Variants in FABP6 observed in about 807,000 individuals in gnomAD.
FABP6 encodes gastrotropin.
Under a neutral mutation model 14.9 loss-of-function variants are expected in FABP6, and 13 were observed. That is an observed-to-expected ratio of 0.87 (90% CI 0.57 to 1.39). FABP6 has a LOEUF of 1.39. Among genes scored for constraint, FABP6 ranks in the 40% most tolerant of loss-of-function variants. The pLI, the probability that FABP6 is intolerant of heterozygous loss-of-function variation, is 0.00. For missense variants in FABP6, 161 were observed against 167.2 expected, an observed-to-expected ratio of 0.96 and a Z score of 0.20; for synonymous variants, 75 against 63.6, an observed-to-expected ratio of 1.18 and a Z score of -0.85.
At chr5:160,215,793 C>G (rs543859560) in intron 3 of FABP6, among the ~76,000 whole-genome samples, 10 of 152,100 alleles carry the variant, frequency 6.6e-5, no homozygotes, top group African/African-American at 1.9e-4. Context: ...AAGGTTATTT[C>G]AAACCAGCTG....
At chr5:160,214,089 C>CTCTTTCTTTCTTTCTT (rs10605033) in intron 3 of FABP6, among the ~76,000 whole-genome samples, 8 of 116,384 alleles carry the variant, frequency 6.9e-5, no homozygotes, top group South Asian at 6.3e-4. Flanking sequence ...GCCTGCCTTT[C>CTCTTTCTTTCTTTCTT]TCTTTCTTTC....
At chr5:160,207,267 C>G (rs1007205301) in intron 2 of FABP6, among the ~76,000 whole-genome samples, 1 of 152,242 alleles carries the variant, frequency 6.6e-6, no homozygotes, top group African/African-American at 2.4e-5. Flanking sequence ...ATCCGACTCC[C>G]AGGGTCACAT....
chr5:160,208,875 CA>C lies in FABP6; in HGVS notation c.52-4859del, dbSNP rs1192284520. Among the ~76,000 whole-genome samples, 8 of 151,300 alleles carry C rather than the reference CA, an allele frequency of 5.3e-5. No individual in the cohort carries two copies. In the East Asian group the frequency reaches 1.6e-3, roughly 30 times the overall value. ...CACTGCAACCTCTGCCTCCCGGATT[CA>C]AGCAATTCTCCTGCCTCAGCCTCCC... On this transcript the variant is annotated intron_variant, in intron 2 of 6. Transcript: ENST00000393980.
At chr5:160,213,904 C>T in intron 3 of FABP6, 1 of 1,104,246 alleles carries the variant, frequency 9.1e-7, no homozygotes, top group African/African-American at 1.5e-5. Context: ...ACTTTGTGTC[C>T]TATCCCTGGG....
intron 2 of FABP6, among the ~76,000 whole-genome samples, chr5:160,210,628 C>T (rs1402591449): frequency 6.6e-6 from 1 of 152,214 alleles, no homozygotes; most frequent in Non-Finnish European, 1.5e-5. Flanking sequence ...ACAGCCTGCT[C>T]ACCTTTGTAG....
rs1026888828 is a variant in FABP6, at chr5:160,232,364, T to C, written c.243+91T>C. ...GGCCTCCCCGCTCCCGAGCTGAGGCTTCTTTCTCCAGTTTGGCCTCCAGCA... is the reference window on the plus strand; with the variant it reads ...GGCCTCCCCGCTCCCGAGCTGAGGCCTCTTTCTCCAGTTTGGCCTCCAGCA... On this transcript the variant is annotated intron_variant, in intron 2 of 3. Transcript: ENST00000402432. 3 of 1,354,492 alleles carry C rather than the reference T, an allele frequency of 2.2e-6. No individual in the cohort carries two copies. In the Admixed American group the frequency reaches 8.4e-5, roughly 38 times the overall value. 83.9% of individuals were successfully genotyped at this position (1,354,492 alleles called of 1,614,324 possible). A position where few individuals can be genotyped will look rare whatever the true frequency, so the allele number is the denominator to read the frequency against.
upstream of FABP6, among the ~76,000 whole-genome samples, chr5:160,227,278 T>C (rs542251741): frequency 6.6e-6 from 1 of 152,290 alleles, no homozygotes; most frequent in African/African-American, 2.4e-5. Flanking sequence ...CTCAGGCCTC[T>C]AATCTCAGCA....
rs541305222 is a variant in FABP6, at chr5:160,231,084, C to G, written c.68-1014C>G. On this transcript the variant is annotated intron_variant, in intron 1 of 3. Coordinates refer to ENST00000402432, the MANE Select transcript of FABP6 (RefSeq NM_001445.3). ...GTTCAGAGGACAGCTCAAGGGGACCCGTGCCCTCCCTCTTGGTGGCCACTT... is the reference window on the plus strand; with the variant it reads ...GTTCAGAGGACAGCTCAAGGGGACCGGTGCCCTCCCTCTTGGTGGCCACTT... Among the ~76,000 whole-genome samples, 9 of 152,168 alleles carry G rather than the reference C, an allele frequency of 5.9e-5. No individual in the cohort carries two copies. The East Asian group carries it at 1.7e-3, about 29-fold the overall frequency.
Position 160,198,953 on chromosome 5 carries a change from G to C in FABP6, c.-58-96G>C, listed in dbSNP as rs964712499. On this transcript the variant is annotated intron_variant, in intron 1 of 6. Coordinates refer to the FABP6 transcript ENST00000393980. ...AGGGCCCATGTGTCTGGCACACAGT[G>C]AGCAGTCAATAAAATGGATTGAATA... 2.2e-5 allele frequency: 16 copies of C among 736,556 alleles called. 2 individuals are homozygous for C. In the South Asian group the frequency reaches 2.7e-4, roughly 12 times the overall value. 45.6% of individuals were successfully genotyped at this position (736,556 alleles called of 1,614,324 possible). A position where few individuals can be genotyped will look rare whatever the true frequency, so the allele number is the denominator to read the frequency against.
chr5:160,193,458 T>G (rs1338417020), intron 1 of FABP6, among the ~76,000 whole-genome samples: 1 of 152,124 alleles, frequency 6.6e-6, no homozygotes, highest in Non-Finnish European at 1.5e-5. Context: ...GACTGCTGGC[T>G]CAGGCAGCCT....
Sources: allele counts gnomAD v4.1 joint callset (sites outside exome capture counted in the v4.1 genomes callset), GRCh38; gene constraint gnomAD v4.1.1; transcripts MANE v1.5; gene names NCBI Gene and HGNC (gene_info 2026-07-23, HGNC 2026-07-21).